The following FBXO34 variants were observed in gnomAD, a reference collection of about 807,000 sequenced individuals.
FBXO34 encodes the protein F-box protein 34.
Under a neutral mutation model 24.5 loss-of-function variants are expected in FBXO34, and 12 were observed. The ratio of observed to expected loss-of-function variants is 0.49; its 90% CI spans 0.31 to 0.79. The LOEUF is 0.79. Among genes scored for constraint, FBXO34 ranks in the 30% least tolerant of loss-of-function variants. The pLI, the probability that FBXO34 is intolerant of heterozygous loss-of-function variation, is 0.04. For missense variants in FBXO34, 823 were observed against 857.7 expected, an observed-to-expected ratio of 0.96 and a Z score of 0.51; for synonymous variants, 320 against 311.9, an observed-to-expected ratio of 1.03 and a Z score of -0.27.
At chr14:55,281,877 A>C (rs778804750) in intron 1 of FBXO34, among the ~76,000 whole-genome samples, 1 of 152,014 alleles carries the variant, frequency 6.6e-6, no homozygotes, top group Non-Finnish European at 1.5e-5. Context: ...CACATATCGA[A>C]GGCTTAGCTT....
At chr14:55,398,250 A>G in the FBXO34 span, among the ~76,000 whole-genome samples, 1 of 152,094 alleles carries the variant, frequency 6.6e-6, no homozygotes, top group Non-Finnish European at 1.5e-5. Flanking sequence ...CGCGCCCAGC[A>G]TAGTTATTAT....
chr14:55,377,921 A>G, the FBXO34 span: 2 of 1,596,040 alleles, frequency 1.3e-6, no homozygotes, highest in Non-Finnish European at 1.7e-6. Context: ...AAAATTAAAG[A>G]ATTGGTTAAT....
At chr14:55,305,562 A>C (rs961151197) in intron 1 of FBXO34, among the ~76,000 whole-genome samples, 3 of 150,832 alleles carry the variant, frequency 2.0e-5, no homozygotes, top group African/African-American at 7.3e-5. Flanking sequence ...CAGGTGTGGT[A>C]GTGCGTGTCT....
the FBXO34 span, among the ~76,000 whole-genome samples, chr14:55,412,704 A>T: frequency 6.6e-6 from 1 of 152,332 alleles, no homozygotes; most frequent in African/African-American, 2.4e-5. Flanking sequence ...TTACTAGGCT[A>T]TCTACTGATA....
chr14:55,403,786 G>A, the FBXO34 span, among the ~76,000 whole-genome samples: 1 of 152,118 alleles, frequency 6.6e-6, no homozygotes, highest in African/African-American at 2.4e-5. Flanking sequence ...CTATAATAGA[G>A]GCACCTTTAT....
At position 55,300,314 on chromosome 14, in the gene FBXO34, C is replaced by T. The variant is rs569487811; in HGVS notation, c.-11+28777C>T. ...TTTGTTCAAGAAACCACGTTGTGGC[C>T]GGGCGAGGTGGCTCACGCCTGCAAT... On this transcript the variant is annotated intron_variant, in intron 1 of 1. Transcript: ENST00000313833. Among the ~76,000 whole-genome samples, 10 of 152,202 alleles carry T rather than the reference C, an allele frequency of 6.6e-5. No homozygotes were observed. In the South Asian group the frequency reaches 1.7e-3, roughly 25 times the overall value.
At chr14:55,298,218 C>G (rs1332138410) in intron 1 of FBXO34, among the ~76,000 whole-genome samples, 1 of 145,652 alleles carries the variant, frequency 6.9e-6, no homozygotes, top group Non-Finnish European at 1.5e-5. Context: ...TTTTTTTTTG[C>G]GTTTTTTTTT....
downstream of FBXO34, among the ~76,000 whole-genome samples, chr14:55,365,816 G>T (rs1340222708): frequency 6.6e-6 from 1 of 152,134 alleles, no homozygotes; most frequent in East Asian, 1.9e-4. Flanking sequence ...GCTCCTGAGG[G>T]TATCCTGGCT....
downstream of FBXO34, chr14:55,369,847 A>ACAAAT: frequency 6.2e-7 from 1 of 1,614,084 alleles, no homozygotes; most frequent in Non-Finnish European, 8.5e-7. Context: ...CTCCGCTCTC[A>ACAAAT]TCTGATTCTC....
intron 1 of FBXO34, among the ~76,000 whole-genome samples, chr14:55,283,986 G>C (rs1381860945): frequency 2.0e-5 from 3 of 150,410 alleles, no homozygotes; most frequent in African/African-American, 7.3e-5. Flanking sequence ...CTGTGTGTGT[G>C]TGTATGTGTA....
chr14:55,396,906 G>A, the FBXO34 span, among the ~76,000 whole-genome samples: 2 of 152,132 alleles, frequency 1.3e-5, no homozygotes, highest in Non-Finnish European at 2.9e-5. Flanking sequence ...TACTGAATCA[G>A]AATCTCTGAG....
chr14:55,351,987 C>T lies in FBXO34; in HGVS notation c.1597C>T (p.Leu533=), dbSNP rs760183467. The T allele has an allele frequency of 2.5e-6, 4 of 1,614,142 alleles. No individual in the cohort carries two copies. The South Asian group carries it at 3.3e-5, about 13-fold the overall frequency. ...AAGTGGGTCTGCTGAGCCATTTGTACTGCCAGCCTCTTCTGTGGAAAGTAC... is the reference window on the plus strand; with the variant it reads ...AAGTGGGTCTGCTGAGCCATTTGTATTGCCAGCCTCTTCTGTGGAAAGTAC... ...EKSGSAEPFV[L]PASSVESTLP... is the part of the protein sequence containing the mutation. Residue 533 remains leucine, a synonymous_variant, in exon 2 of 2, where the codon CTG becomes TTG. Coordinates refer to ENST00000313833, the MANE Select transcript of FBXO34 (RefSeq NM_017943.4).
At chr14:55,438,096 G>A in the FBXO34 span, among the ~76,000 whole-genome samples, 1 of 152,102 alleles carries the variant, frequency 6.6e-6, no homozygotes, top group African/African-American at 2.4e-5. Flanking sequence ...TCAAGTTACG[G>A]GCCTGGACTC....
chr14:55,366,967 G>C (rs1884693199), intron 2 of FBXO34: 1 of 152,630 alleles, frequency 6.6e-6, no homozygotes, highest in Non-Finnish European at 1.5e-5. Flanking sequence ...AGCAGTGTAA[G>C]CCAGTATGTT....
At chr14:55,273,816 G>GT (rs985305565) in intron 1 of FBXO34, among the ~76,000 whole-genome samples, 3 of 152,062 alleles carry the variant, frequency 2.0e-5, no homozygotes, top group Non-Finnish European at 4.4e-5. Context: ...TTTTTTGTAT[G>GT]TTTTTTTGAA....
intron 1 of FBXO34, among the ~76,000 whole-genome samples, chr14:55,291,182 T>G (rs1256332067): frequency 6.6e-6 from 1 of 152,038 alleles, no homozygotes; most frequent in Non-Finnish European, 1.5e-5. Context: ...GATCAAAGAG[T>G]ATTTGCAGTT....
the FBXO34 span, chr14:55,413,412 A>G: frequency 5.7e-6 from 1 of 175,370 alleles, no homozygotes; most frequent in Non-Finnish European, 1.2e-5. Flanking sequence ...CAGAGAACGC[A>G]TATTAATGTA....
intron 1 of FBXO34, among the ~76,000 whole-genome samples, chr14:55,296,395 T>G (rs1361661335): frequency 1.6e-4 from 18 of 112,622 alleles, no homozygotes; most frequent in Admixed American, 1.3e-3. Flanking sequence ...TTTTTTGTTT[T>G]TTTTTTTTTT....
At chr14:55,297,066 C>T (rs777787936) in intron 1 of FBXO34, among the ~76,000 whole-genome samples, 17 of 152,038 alleles carry the variant, frequency 1.1e-4, no homozygotes, top group Admixed American at 3.3e-4. Flanking sequence ...TCCCCTTGAC[C>T]GGCGTCATTT....
Sources: gnomAD v4.1 joint callset for allele counts (sites outside exome capture counted in the v4.1 genomes callset) on GRCh38, gnomAD v4.1.1 for gene constraint, MANE v1.5 for transcripts, NCBI Gene and HGNC (gene_info 2026-07-23, HGNC 2026-07-21) for gene names.